The following COL19A1 variants were observed in gnomAD, a reference collection of about 807,000 sequenced individuals.
COL19A1 encodes the protein collagen type XIX alpha 1 chain.
In COL19A1, 159 loss-of-function variants were observed where a neutral mutation model predicts 190.2. The observed-to-expected ratio is 0.84, with a 90% confidence interval of 0.73 to 0.95. The LOEUF is 0.95. COL19A1 is among the 40% of genes least tolerant of loss of function. The pLI is 0.00. For synonymous variants in COL19A1, 509 were observed against 458.9 expected (o/e 1.11, Z -1.39); for missense variants, 1,418 against 1,431.9 (o/e 0.99, Z 0.16).
At chr6:69,901,125 C>T (rs968461480) in intron 4 of COL19A1, among the ~76,000 whole-genome samples, 2 of 134,712 alleles carry the variant, frequency 1.5e-5, no homozygotes, top group South Asian at 2.4e-4. Flanking sequence ...ATGAATATAC[C>T]GCAATAAAAA....
intron 16 of COL19A1, among the ~76,000 whole-genome samples, chr6:70,119,071 T>A (rs1784740223): frequency 6.6e-6 from 1 of 152,208 alleles, no homozygotes; most frequent in Non-Finnish European, 1.5e-5. Flanking sequence ...CTGCTACCTG[T>A]TTTATTCTGT....
chr6:69,912,592 C>A (rs551242623), intron 4 of COL19A1, among the ~76,000 whole-genome samples: 1 of 152,154 alleles, frequency 6.6e-6, no homozygotes, highest in Admixed American at 6.5e-5. Flanking sequence ...ATTCTTGGCC[C>A]ACAGGTGCCA....
chr6:70,161,327 C>T (rs1003614002), intron 34 of COL19A1, among the ~76,000 whole-genome samples: 5 of 152,206 alleles, frequency 3.3e-5, no homozygotes, highest in East Asian at 1.9e-4. Context: ...TTTGTATTTC[C>T]ATGTTTTACC....
intron 15 of COL19A1, among the ~76,000 whole-genome samples, chr6:70,081,811 C>T: frequency 6.6e-6 from 1 of 152,122 alleles, no homozygotes; most frequent in South Asian, 2.1e-4. Context: ...CCAGTTTATT[C>T]TTACTTTTTT....
chr6:70,132,200 C>A (rs969505590), intron 18 of COL19A1, among the ~76,000 whole-genome samples: 3 of 152,206 alleles, frequency 2.0e-5, no homozygotes, highest in Admixed American at 1.3e-4. Flanking sequence ...AGAATTTAGA[C>A]CGGCCTGGAC....
chr6:69,952,956 A>T (rs925101303), intron 9 of COL19A1, among the ~76,000 whole-genome samples: 1 of 152,052 alleles, frequency 6.6e-6, no homozygotes, highest in South Asian at 2.1e-4. Context: ...AGAAACTTAT[A>T]GGCAAGTAGT....
At chr6:69,961,397 C>T (rs1029855990) in intron 10 of COL19A1, among the ~76,000 whole-genome samples, 11 of 152,176 alleles carry the variant, frequency 7.2e-5, no homozygotes, top group Admixed American at 3.9e-4. Flanking sequence ...ACTGCATCTG[C>T]GAGTCAAGTT....
chr6:69,960,422 C>G (rs908989397), intron 10 of COL19A1, among the ~76,000 whole-genome samples: 1 of 152,054 alleles, frequency 6.6e-6, no homozygotes, highest in Non-Finnish European at 1.5e-5. Context: ...TTGTATATCC[C>G]AGATAGAGCT....
chr6:69,921,251 TATATC>T lies in COL19A1; in HGVS notation c.267-6648_267-6644del, dbSNP rs1180478622. Among the ~76,000 whole-genome samples the T allele has an allele frequency of 6.2e-3, 819 of 132,576 alleles. 8 individuals carry two copies. Among genetic ancestry groups the T allele is most frequent in the African/African-American group, 0.021 (754 of 36,022 alleles). 87.0% of individuals were successfully genotyped at this position (132,576 alleles called of 152,430 possible). A position where few individuals can be genotyped will look rare whatever the true frequency, so the allele number is the denominator to read the frequency against. On this transcript the variant is annotated intron_variant, in intron 4 of 50. Transcript: ENST00000620364. ...ATGTATTATATATCCATATATGTCA[TATATC>T]ATATCATATATCATATATATCATAT...
chr6:69,920,899 T>C (rs1317538116), intron 4 of COL19A1, among the ~76,000 whole-genome samples: 1 of 134,970 alleles, frequency 7.4e-6, no homozygotes, highest in Non-Finnish European at 1.6e-5. Context: ...TCTAGTCATA[T>C]ATATATATTC....
intron 15 of COL19A1, among the ~76,000 whole-genome samples, chr6:70,079,216 C>T (rs1470623150): frequency 2.0e-5 from 3 of 152,122 alleles, no homozygotes; most frequent in African/African-American, 2.4e-5. Flanking sequence ...TGATTGCTGA[C>T]GTATCAAGTC....
chr6:69,976,027 AAG>A (rs1775694406), intron 11 of COL19A1, among the ~76,000 whole-genome samples: 1 of 152,200 alleles, frequency 6.6e-6, no homozygotes, highest in South Asian at 2.1e-4. Context: ...ATTCTTAACT[AAG>A]AGTTTAAAAC....
At position 69,899,164 on chromosome 6, in the gene COL19A1, A is replaced by AT; in HGVS notation, c.166+142_166+143insT. 7.2e-6 allele frequency: 4 copies of AT among 555,082 alleles called. No homozygotes were observed. In the South Asian group the frequency reaches 8.3e-5, roughly 12 times the overall value. The allele number at this position is 555,082 out of a possible 1,614,324, so 34.4% of individuals were successfully genotyped here. A position where few individuals can be genotyped will look rare whatever the true frequency, so the allele number is the denominator to read the frequency against. On this transcript the variant is annotated intron_variant, in intron 3 of 50. Transcript: ENST00000620364. ...CGTGAAAATTTTAAGAATTCTTTTT[A>AT]ATTTTTTTTTTTTTTTTTGAGACAG... is the stretch of plus-strand genomic sequence containing the variant.
intron 9 of COL19A1, among the ~76,000 whole-genome samples, chr6:69,948,538 CA>C (rs1385294269): frequency 9.2e-5 from 14 of 151,730 alleles, no homozygotes; most frequent in Non-Finnish European, 1.9e-4. Context: ...TCAGTAGAAT[CA>C]ATCCTGTCAA....
chr6:70,017,179 A>G (rs1446715405), intron 11 of COL19A1, among the ~76,000 whole-genome samples: 1 of 152,200 alleles, frequency 6.6e-6, no homozygotes, highest in Non-Finnish European at 1.5e-5. Context: ...TAGCCATGCA[A>G]CATGGGTAAA....
intron 24 of COL19A1, among the ~76,000 whole-genome samples, chr6:70,144,597 C>G (rs1459272251): frequency 2.0e-5 from 3 of 152,138 alleles, no homozygotes; most frequent in African/African-American, 7.2e-5. Context: ...AACGTTGAAC[C>G]ATTATTGGAG....
intron 4 of COL19A1, among the ~76,000 whole-genome samples, chr6:69,901,656 C>T (rs527429335): frequency 4.6e-5 from 7 of 152,222 alleles, no homozygotes; most frequent in South Asian, 2.1e-4. Context: ...AGATGAGAGG[C>T]GCAATATTTC....
chr6:69,959,521 C>T (rs1228457716), intron 9 of COL19A1, among the ~76,000 whole-genome samples: 1 of 152,082 alleles, frequency 6.6e-6, no homozygotes, highest in East Asian at 1.9e-4. Flanking sequence ...GGCTCAAATT[C>T]CAAGTCTACC....
intron 9 of COL19A1, among the ~76,000 whole-genome samples, chr6:69,957,663 G>A (rs927926565): frequency 6.6e-6 from 1 of 152,146 alleles, no homozygotes; most frequent in African/African-American, 2.4e-5. Flanking sequence ...GGAAGCCAAA[G>A]AAGAAGCATC....
Sources: gnomAD v4.1 joint callset for allele counts (sites outside exome capture counted in the v4.1 genomes callset) on GRCh38, gnomAD v4.1.1 for gene constraint, MANE v1.5 for transcripts, NCBI Gene and HGNC (gene_info 2026-07-23, HGNC 2026-07-21) for gene names.